DALRD3: variants seen among roughly 807,000 people sequenced by gnomAD.
DALRD3 encodes DALR anticodon-binding domain-containing protein 3.
In DALRD3, 47 loss-of-function variants were observed where a neutral mutation model predicts 56.7. The observed-to-expected ratio is 0.83, with a 90% CI of 0.66 to 1.06. The LOEUF is 1.06. Ranked by LOEUF, DALRD3 falls within the 50% of genes least tolerant of loss-of-function variation. DALRD3 has a pLI of 0.00. For synonymous variants in DALRD3, 347 were observed against 308.5 expected (o/e 1.12, Z -1.31); for missense variants, 787 against 724.0 (o/e 1.09, Z -1.00).
chr3:49,020,120 C>G (rs769996937), upstream of DALRD3: 2 of 534,030 alleles, frequency 3.7e-6, no homozygotes, highest in Admixed American at 3.9e-5. Flanking sequence ...CTTTCTGGGC[C>G]AGGGCTGAGG....
At chr3:49,020,579 G>A (rs562678985), upstream of DALRD3, 52 of 472,450 alleles carry the variant, frequency 1.1e-4, no homozygotes, top group African/African-American at 8.8e-4. Flanking sequence ...AAGTATGTCT[G>A]GGGGTCAGGG....
At position 49,018,123 on chromosome 3, in the gene DALRD3, G is replaced by A. The variant is rs774226234; in HGVS notation, c.361C>T (p.His121Tyr). ...PASLGQRVLL[H>Y]CPALRSSPCA... is the part of the protein sequence containing the mutation. ...GGGGAGCTGCGCAGTGCTGGGCAGTGTAGTAAGACGCGCTGGCCCAGCGAG... is the reference window on the plus strand; with the variant it reads ...GGGGAGCTGCGCAGTGCTGGGCAGTATAGTAAGACGCGCTGGCCCAGCGAG... The change falls in exon 2 of 12, where the codon CAC becomes TAC. Residue 121 changes from histidine to tyrosine, a missense_variant. Coordinates refer to ENST00000341949, the MANE Select transcript of DALRD3 (RefSeq NM_001009996.3). The A allele has an allele frequency of 6.8e-7, 1 of 1,473,682 alleles. No individual in the cohort carries two copies. Among genetic ancestry groups the A allele is most frequent in the East Asian group, 2.4e-5 (1 of 41,202 alleles). 91.3% of individuals were successfully genotyped at this position (1,473,682 alleles called of 1,614,324 possible). A position where few individuals can be genotyped will look rare whatever the true frequency, so the allele number is the denominator to read the frequency against.
chr3:49,019,437 T>C (rs1212264659), upstream of DALRD3, among the ~76,000 whole-genome samples: 1 of 151,560 alleles, frequency 6.6e-6, no homozygotes, highest in African/African-American at 2.4e-5. Flanking sequence ...TCTTGATACC[T>C]GAGAAATCAC....
chr3:49,018,350 G>A (rs775626159), intron 1 of DALRD3, 32 bp from the exon 2 acceptor site: 71 of 1,503,020 alleles, frequency 4.7e-5, no homozygotes, highest in South Asian at 1.3e-5. Flanking sequence ...AAAGAGCCAC[G>A]GCACGGGGCC....
upstream of DALRD3, chr3:49,020,041 C>A: frequency 4.1e-6 from 2 of 491,576 alleles, no homozygotes; most frequent in Non-Finnish European, 8.3e-6. Flanking sequence ...GAGAAGCTAA[C>A]TCAGTAGAGA....
Position 49,015,500 on chromosome 3 carries a change from A to G in DALRD3, c.*88T>C, listed in dbSNP as rs978218536. 14 of 1,578,614 alleles carry G rather than the reference A, an allele frequency of 8.9e-6. No homozygotes were observed. The Admixed American group carries it at 2.3e-4, about 25-fold the overall frequency. ...GACAAGACAGAACTTTGTAACAAACAGTACCAATTTATTTTGGCCGTGGGT... is the reference window on the plus strand; with the variant it reads ...GACAAGACAGAACTTTGTAACAAACGGTACCAATTTATTTTGGCCGTGGGT... On this transcript the variant is annotated 3_prime_UTR_variant, in exon 12 of 12. Coordinates refer to ENST00000341949, the MANE Select transcript of DALRD3 (RefSeq NM_001009996.3).
At position 49,017,881 on chromosome 3, in the gene DALRD3, G is replaced by C. The variant is rs1212150763; in HGVS notation, c.462-12C>G. The C allele has an allele frequency of 1.3e-6, 2 of 1,584,652 alleles. No individual in the cohort carries two copies. Among genetic ancestry groups the C allele is most frequent in the Non-Finnish European group, 8.5e-7 (1 of 1,173,064 alleles). ...GGCGCACGCACACCCTGCGAAGGGAGGGCGGCCGCCTCAGTCTGAGCACCT... is the reference window on the plus strand; with the variant it reads ...GGCGCACGCACACCCTGCGAAGGGACGGCGGCCGCCTCAGTCTGAGCACCT... On this transcript the variant is annotated splice_polypyrimidine_tract_variant and intron_variant, in intron 2 of 11. Coordinates refer to ENST00000341949, the MANE Select transcript of DALRD3 (RefSeq NM_001009996.3).
upstream of DALRD3, chr3:49,018,619 C>T: frequency 6.7e-7 from 1 of 1,487,066 alleles, no homozygotes; most frequent in Non-Finnish European, 8.9e-7. Flanking sequence ...GTGGAACTTC[C>T]GGAAAGGACC....
Position 49,017,285 on chromosome 3 carries a change from C to T in DALRD3, c.870G>A (p.Gln290=). ...GCCAAAGCAGGTCCAACTTCTGTTGCTGGAACTCCTCCTCACAGCTAACAA... is the reference window on the plus strand; with the variant it reads ...GCCAAAGCAGGTCCAACTTCTGTTGTTGGAACTCCTCCTCACAGCTAACAA... The part of the protein sequence containing the change: ...VHVVSCEEEF[Q]QQKLDLLWQK... Residue 290 remains glutamine, a synonymous_variant, in exon 5 of 12, where the codon CAG becomes CAA. Transcript: ENST00000341949. 1 of 1,614,216 alleles carries T rather than the reference C, an allele frequency of 6.2e-7. No individual in the cohort carries two copies. Among genetic ancestry groups the T allele is most frequent in the Non-Finnish European group, 8.5e-7 (1 of 1,180,032 alleles).
chr3:49,018,092 G>A lies in DALRD3; in HGVS notation c.392C>T (p.Ala131Val), dbSNP rs1438565786. The part of the protein sequence containing the change: ...HCPALRSSPC[A>V]LRLSQLRTVL... ...CGTACGCAGCTGGCTCAAGCGGAGT[G>A]CGCAGGGGGAGCTGCGCAGTGCTGG... The change falls in exon 2 of 12, where the codon GCA (alanine) becomes GTA (valine). Residue 131 changes from alanine to valine, a missense_variant. Ala to Val is a moderately conservative substitution (Grantham distance 64, BLOSUM62 0). Coordinates refer to ENST00000341949, the MANE Select transcript of DALRD3 (RefSeq NM_001009996.3). 1 of 1,488,142 alleles carries A rather than the reference G, an allele frequency of 6.7e-7. No individual in the cohort carries two copies. The highest frequency in any genetic ancestry group is 1.4e-5 in the South Asian group (1 of 72,742). 92.2% of individuals were successfully genotyped at this position (1,488,142 alleles called of 1,614,324 possible). A position where few individuals can be genotyped will look rare whatever the true frequency, so the allele number is the denominator to read the frequency against.
intron 10 of DALRD3, 50 bp from the exon 11 acceptor site, chr3:49,015,922 A>G: frequency 6.2e-7 from 1 of 1,614,160 alleles, no homozygotes; most frequent in Non-Finnish European, 8.5e-7. Flanking sequence ...CTTGTGCCCC[A>G]GGCCAGAATA....
rs1323707593 is a variant in DALRD3, at chr3:49,016,471, G to A, written c.1104C>T (p.Ala368=). 1 of 1,614,056 alleles carries A rather than the reference G, an allele frequency of 6.2e-7. No homozygotes were observed. ...TGCTCAGCATCTCAAACTTGATGGTGGCCACAGAGAGAACACCAAAGATCT... is the reference window on the plus strand; with the variant it reads ...TGCTCAGCATCTCAAACTTGATGGTAGCCACAGAGAGAACACCAAAGATCT... ...WTEIFGVLSV[A]TIKFEMLSTA... is the part of the protein sequence containing the mutation. The change falls in exon 8 of 12, where the codon GCC becomes GCT. Residue 368 remains alanine, a synonymous_variant. Coordinates refer to ENST00000341949, the MANE Select transcript of DALRD3 (RefSeq NM_001009996.3).
In DALRD3 at chr3:49,016,033, G is replaced by A. The variant is rs1435481791; in HGVS notation, c.1383C>T (p.Ser461=). 1.2e-6 allele frequency: 2 copies of A among 1,602,042 alleles called. No homozygotes were observed. Among genetic ancestry groups the A allele is most frequent in the Non-Finnish European group, 1.7e-6 (2 of 1,171,700 alleles). The change falls in exon 10 of 12, where the codon AGC becomes AGT. Residue 461 remains serine, a synonymous_variant. Coordinates refer to ENST00000341949, the MANE Select transcript of DALRD3 (RefSeq NM_001009996.3). ...CTGTGCAGTCCAGCACTGCTGTCCG[G>A]CTCAGCAGATCCGGAAAGGGGAGGA... ...NSILPFPDLL[S]RTAVLDCTAP... is the part of the protein sequence containing the mutation.
Position 49,016,307 on chromosome 3 carries a change from T to C in DALRD3, c.1180A>G (p.Thr394Ala), listed in dbSNP as rs761368390. Residue 394 changes from threonine to alanine, a missense_variant, in exon 9 of 12, where the codon ACG becomes GCG. By Grantham distance (58) the Thr-to-Ala change is moderately conservative (BLOSUM62 0). Transcript: ENST00000341949. Reference sequence around the variant, plus strand: ...AAGGTGCCACTCTTTGTGCCCTTCGTGGAGATACTGCTGTCAGCCAGAGCC... The same window carrying C: ...AAGGTGCCACTCTTTGTGCCCTTCGCGGAGATACTGCTGTCAGCCAGAGCC... The part of the protein sequence containing the change: ...FLALADSSIS[T>A]KGTKSGTFVM... 1 of 1,610,956 alleles carries C rather than the reference T, an allele frequency of 6.2e-7. No homozygotes were observed. The highest frequency in any genetic ancestry group is 1.7e-5 in the Admixed American group (1 of 59,946).
intron 8 of DALRD3, 44 bp from the exon 9 acceptor site, chr3:49,016,384 A>G (rs1384122017): frequency 5.0e-6 from 8 of 1,604,778 alleles, no homozygotes; most frequent in Middle Eastern, 1.7e-4. Context: ...GGCAGCCACC[A>G]CACCCTGTGC....
chr3:49,020,001 C>G (rs978535844), upstream of DALRD3: 4 of 384,382 alleles, frequency 1.0e-5, no homozygotes, highest in South Asian at 7.4e-5. Context: ...AACTTACTCA[C>G]CCCCCACCCC....
chr3:49,016,334 G>C lies in DALRD3; in HGVS notation c.1153C>G (p.Leu385Val), dbSNP rs1032603250. Residue 385 changes from leucine (L) to valine (V), a missense_variant, in exon 9 of 12, where the codon CTG (leucine) becomes GTG (valine). Transcript: ENST00000341949. ...GAGATACTGCTGTCAGCCAGAGCCA[G>C]GAAGAGCTGGGGAATAGAAGCACAG... ...LSTAPQSQLF[L>V]ALADSSISTK... is the part of the protein sequence containing the mutation. 1.2e-6 allele frequency: 2 copies of C among 1,607,072 alleles called. No homozygotes were observed. The highest frequency in any genetic ancestry group is 2.7e-5 in the African/African-American group (2 of 74,816).
chr3:49,016,296 T>C lies in DALRD3; in HGVS notation c.1191A>G (p.Thr397=). ...TATACATGACAAAGGTGCCACTCTT[T>C]GTGCCCTTCGTGGAGATACTGCTGT... is the stretch of plus-strand genomic sequence containing the variant. ...LADSSISTKG[T]KSGTFVMYNC... The change falls in exon 9 of 12, where the codon ACA becomes ACG. Residue 397 remains threonine, a synonymous_variant. Coordinates refer to ENST00000341949, the MANE Select transcript of DALRD3 (RefSeq NM_001009996.3). The C allele has an allele frequency of 6.2e-7, 1 of 1,612,628 alleles. No homozygotes were observed. Among genetic ancestry groups the C allele is most frequent in the Non-Finnish European group, 8.5e-7 (1 of 1,178,834 alleles).
At chr3:49,018,378 G>A in intron 1 of DALRD3, 22 bp downstream of exon 1, 1 of 1,543,020 alleles carries the variant, frequency 6.5e-7, no homozygotes, top group Non-Finnish European at 8.7e-7. Flanking sequence ...CGGCCGCACG[G>A]CCCCGCCCGG....
Sources: gnomAD v4.1 joint callset for allele counts (sites outside exome capture counted in the v4.1 genomes callset) on GRCh38, gnomAD v4.1.1 for gene constraint, MANE v1.5 for transcripts, NCBI Gene and HGNC (gene_info 2026-07-23, HGNC 2026-07-21) for gene names.